Variants in TTC29 observed in about 807,000 individuals in gnomAD.
The protein encoded by TTC29 is tetratricopeptide repeat protein 29.
TTC29 carries 49 observed loss-of-function variants against 58.1 expected under a neutral mutation model. That is an observed-to-expected ratio of 0.84 (90% CI 0.67 to 1.07). The LOEUF is 1.07. Among genes scored for constraint, TTC29 ranks in the 50% least tolerant of loss-of-function variants. The pLI is 0.00. For synonymous variants in TTC29, 209 were observed against 196.8 expected (o/e 1.06, Z -0.52); for missense variants, 582 against 555.6 (o/e 1.05, Z -0.48).
chr4:146,806,272 G>T (rs2150122691), intron 10 of TTC29, among the ~76,000 whole-genome samples: 1 of 152,288 alleles, frequency 6.6e-6, no homozygotes, highest in South Asian at 2.1e-4. Flanking sequence ...ACTAGCTACT[G>T]CAAAAACACC....
At chr4:146,790,853 A>T (rs1339064251) in intron 11 of TTC29, among the ~76,000 whole-genome samples, 1 of 152,220 alleles carries the variant, frequency 6.6e-6, no homozygotes. Flanking sequence ...AGTTCTCATG[A>T]CAAGAAATTC....
At chr4:146,894,322 C>T (rs1297819883) in intron 6 of TTC29, among the ~76,000 whole-genome samples, 2 of 151,870 alleles carry the variant, frequency 1.3e-5, no homozygotes, top group Non-Finnish European at 2.9e-5. Flanking sequence ...AAATGTGGCA[C>T]ATATACACCA....
chr4:146,925,496 T>G (rs926995997), intron 4 of TTC29, among the ~76,000 whole-genome samples: 1 of 152,150 alleles, frequency 6.6e-6, no homozygotes, highest in African/African-American at 2.4e-5. Flanking sequence ...TTTTGAGATC[T>G]CTAATTTGTT....
chr4:146,874,636 G>C (rs1158564517), intron 7 of TTC29, 80 bp downstream of exon 7: 1 of 1,150,034 alleles, frequency 8.7e-7, no homozygotes, highest in African/African-American at 1.5e-5. Context: ...CCTAACACTT[G>C]ACGATTTTTA....
intron 4 of TTC29, among the ~76,000 whole-genome samples, chr4:146,925,465 T>G (rs1579995789): frequency 6.6e-6 from 1 of 152,244 alleles, no homozygotes; most frequent in East Asian, 1.9e-4. Flanking sequence ...TCCATAGTAA[T>G]ATTTCAACTG....
chr4:146,746,602 T>C (rs562216796), intron 11 of TTC29, among the ~76,000 whole-genome samples: 1 of 152,244 alleles, frequency 6.6e-6, no homozygotes, highest in South Asian at 2.1e-4. Flanking sequence ...TAGACAAAAA[T>C]AGTATTTTCA....
At chr4:146,867,165 T>C (rs1041218136) in intron 8 of TTC29, among the ~76,000 whole-genome samples, 2 of 152,184 alleles carry the variant, frequency 1.3e-5, no homozygotes, top group African/African-American at 4.8e-5. Flanking sequence ...AATTTCTTTT[T>C]TGTTACTTAC....
intron 11 of TTC29, among the ~76,000 whole-genome samples, chr4:146,731,399 T>C (rs1025370633): frequency 3.9e-5 from 6 of 152,092 alleles, no homozygotes; most frequent in Admixed American, 3.9e-4. Context: ...TTGAGGTTAG[T>C]GATCACAACT....
intron 11 of TTC29, among the ~76,000 whole-genome samples, chr4:146,760,786 T>C (rs1415253769): frequency 7.0e-6 from 1 of 142,852 alleles, no homozygotes; most frequent in Non-Finnish European, 1.5e-5. Flanking sequence ...ATACTATATA[T>C]ATATGATGGA....
At chr4:146,835,595 T>C (rs1436263739) in intron 8 of TTC29, among the ~76,000 whole-genome samples, 1 of 152,192 alleles carries the variant, frequency 6.6e-6, no homozygotes, top group Non-Finnish European at 1.5e-5. Context: ...CGTAGGATCT[T>C]AAGTAGATGA....
chr4:146,774,164 C>T (rs1309805498), intron 11 of TTC29, among the ~76,000 whole-genome samples: 1 of 151,988 alleles, frequency 6.6e-6, no homozygotes, highest in Admixed American at 6.6e-5. Context: ...CTTATTTATT[C>T]TTTCAAAAAA....
At chr4:146,735,725 G>A (rs1376755689) in intron 11 of TTC29, among the ~76,000 whole-genome samples, 3 of 152,188 alleles carry the variant, frequency 2.0e-5, no homozygotes, top group African/African-American at 4.8e-5. Flanking sequence ...CATGGTAAAT[G>A]TTGTGGTTAA....
intron 5 of TTC29, 47 bp downstream of exon 5, chr4:146,908,979 C>T: frequency 4.7e-6 from 7 of 1,501,330 alleles, no homozygotes; most frequent in East Asian, 2.3e-5. Context: ...CCCAGGAGCT[C>T]GGTGTTCTGG....
chr4:146,856,347 A>T (rs972044211), intron 8 of TTC29, among the ~76,000 whole-genome samples: 2 of 152,112 alleles, frequency 1.3e-5, no homozygotes, highest in Admixed American at 6.6e-5. Context: ...TTTTGGCCCA[A>T]GTGGTATTCT....
intron 11 of TTC29, among the ~76,000 whole-genome samples, chr4:146,744,338 C>T (rs146767352): frequency 5.5e-4 from 83 of 151,294 alleles, no homozygotes; most frequent in African/African-American, 1.9e-3. Context: ...TCCAGATCAG[C>T]CTGGGCAACA....
At chr4:146,833,986 G>T in intron 8 of TTC29, 89 bp from the exon 9 acceptor site, 1 of 904,510 alleles carries the variant, frequency 1.1e-6, no homozygotes. Flanking sequence ...AAAATTAATA[G>T]TTGGTTTTAA....
Position 146,855,094 on chromosome 4 carries a change from C to T in TTC29, c.885+12404G>A, listed in dbSNP as rs561682613. Reference sequence around the variant, plus strand: ...GGTGATTCGCTTGAGGTCAGGAGTTCAAGACCAGCCTGGCCAATATGGTAA... The same window carrying T: ...GGTGATTCGCTTGAGGTCAGGAGTTTAAGACCAGCCTGGCCAATATGGTAA... On this transcript the variant is annotated intron_variant, in intron 8 of 12. Coordinates refer to ENST00000325106, the MANE Select transcript of TTC29 (RefSeq NM_031956.4). Among the ~76,000 whole-genome samples, 3 of 152,154 alleles carry T rather than the reference C, an allele frequency of 2.0e-5. No homozygotes were observed. In the South Asian group the frequency reaches 6.2e-4, roughly 32 times the overall value.
chr4:146,855,605 G>T (rs1360667110), intron 8 of TTC29, among the ~76,000 whole-genome samples: 3 of 152,126 alleles, frequency 2.0e-5, no homozygotes, highest in African/African-American at 7.2e-5. Context: ...AATATTAGGA[G>T]TATGGTATTA....
chr4:146,832,747 C>T (rs948340260), intron 9 of TTC29, among the ~76,000 whole-genome samples: 1 of 152,124 alleles, frequency 6.6e-6, no homozygotes, highest in Non-Finnish European at 1.5e-5. Context: ...TCACCTCGGC[C>T]TCTCAAAGTG....
Sources: allele counts gnomAD v4.1 joint callset (sites outside exome capture counted in the v4.1 genomes callset), GRCh38; gene constraint gnomAD v4.1.1; transcripts MANE v1.5; gene names NCBI Gene and HGNC (gene_info 2026-07-23, HGNC 2026-07-21).